Variants in GRM7 observed in about 807,000 individuals in gnomAD.
GRM7 encodes glutamate metabotropic receptor 7.
In GRM7, 35 loss-of-function variants were observed where a neutral mutation model predicts 84.5. That is an observed-to-expected ratio of 0.41 (90% CI 0.32 to 0.55). GRM7 has a LOEUF of 0.55. Among genes scored for constraint, GRM7 ranks in the 20% least tolerant of loss-of-function variants. GRM7 has a pLI of 0.19. For synonymous variants in GRM7, 487 were observed against 455.1 expected, an observed-to-expected ratio of 1.07 and a Z score of -0.89; for missense variants, 1,003 against 1,194.6, an observed-to-expected ratio of 0.84 and a Z score of 2.36.
intron 4 of GRM7, among the ~76,000 whole-genome samples, chr3:7,385,289 ATTTTTTTTTTTT>A (rs574917994): frequency 2.2e-4 from 15 of 67,288 alleles, no homozygotes; most frequent in African/African-American, 7.2e-4. Flanking sequence ...TTCTATATGG[ATTTTTTTTTTTT>A]TTTTTTTTTT....
chr3:7,196,742 A>C (rs1695891753), intron 2 of GRM7, among the ~76,000 whole-genome samples: 1 of 152,048 alleles, frequency 6.6e-6, no homozygotes, highest in African/African-American at 2.4e-5. Flanking sequence ...TACTTGTCAA[A>C]ATTATATGGC....
chr3:7,547,270 A>C (rs1365555486), intron 7 of GRM7, among the ~76,000 whole-genome samples: 1 of 133,832 alleles, frequency 7.5e-6, no homozygotes, highest in South Asian at 2.3e-4. Context: ...GCAGTGGCGT[A>C]ATCTCGCCTC....
rs187708903 is a variant in GRM7, at chr3:7,564,317, T to C, written c.1516-14105T>C. On this transcript the variant is annotated intron_variant, in intron 7 of 9. Transcript: ENST00000357716. ...TAAGTGTAGGAGGTAATTATTACTGTCTCCATTTCACAGATGAAAAAAATG... is the reference window on the plus strand; with the variant it reads ...TAAGTGTAGGAGGTAATTATTACTGCCTCCATTTCACAGATGAAAAAAATG... Among the ~76,000 whole-genome samples, 4 of 152,270 alleles carry C rather than the reference T, an allele frequency of 2.6e-5. No homozygotes were observed. The East Asian group carries it at 7.7e-4, about 29-fold the overall frequency.
At chr3:7,737,469 G>C (rs761945746) in intron 9 of GRM7, among the ~76,000 whole-genome samples, 1 of 152,056 alleles carries the variant, frequency 6.6e-6, no homozygotes, top group Non-Finnish European at 1.5e-5. Flanking sequence ...GCTTCATTGC[G>C]CAACTATTTT....
At chr3:7,294,056 C>G (rs1218658647) in intron 2 of GRM7, among the ~76,000 whole-genome samples, 1 of 152,210 alleles carries the variant, frequency 6.6e-6, no homozygotes, top group Non-Finnish European at 1.5e-5. Flanking sequence ...GCCAATCTCT[C>G]TCTTCTGTTG....
At chr3:6,912,162 C>T (rs1023788281) in intron 1 of GRM7, among the ~76,000 whole-genome samples, 2 of 151,916 alleles carry the variant, frequency 1.3e-5, no homozygotes, top group African/African-American at 2.4e-5. Context: ...TAATTGATAT[C>T]AAGTAAAGGA....
At chr3:7,736,256 TATC>T (rs1284303889) in intron 9 of GRM7, among the ~76,000 whole-genome samples, 1 of 152,206 alleles carries the variant, frequency 6.6e-6, no homozygotes, top group Non-Finnish European at 1.5e-5. Context: ...AAAATTTAGA[TATC>T]AATCTTTTGT....
intron 1 of GRM7, among the ~76,000 whole-genome samples, chr3:7,064,962 T>G (rs117717759): frequency 0.011 from 1,725 of 152,120 alleles, 71 homozygotes; most frequent in Admixed American, 0.083. Flanking sequence ...TTTTTTCATA[T>G]GTTCATTGGC....
chr3:7,146,006 G>A (rs756083579), intron 1 of GRM7, among the ~76,000 whole-genome samples: 22 of 152,112 alleles, frequency 1.4e-4, no homozygotes, highest in Admixed American at 1.3e-3. Flanking sequence ...ACAATCAATC[G>A]ATGTTAGATG....
intron 8 of GRM7, among the ~76,000 whole-genome samples, chr3:7,629,161 G>C (rs1697754638): frequency 1.3e-5 from 2 of 152,076 alleles, no homozygotes; most frequent in Admixed American, 1.3e-4. Context: ...TTTAATATTG[G>C]GTTTTCCTGA....
chr3:7,221,002 G>A (rs1181099966), intron 2 of GRM7, among the ~76,000 whole-genome samples: 1 of 152,022 alleles, frequency 6.6e-6, no homozygotes, highest in East Asian at 1.9e-4. Flanking sequence ...GTTGAGGTGG[G>A]AGAAGGATGG....
At chr3:7,455,324 C>T (rs1697960263) in intron 6 of GRM7, among the ~76,000 whole-genome samples, 1 of 152,064 alleles carries the variant, frequency 6.6e-6, no homozygotes, top group African/African-American at 2.4e-5. Context: ...TATTGGGTTA[C>T]AGTATGATGA....
Position 7,162,729 on chromosome 3 carries a change from A to ATTTTTTTTTTTT in GRM7, c.736+16098_736+16109dup, listed in dbSNP as rs71063284. ...CAATCTCCCATTACTCCCATTTTTC[A>ATTTTTTTTTTTT]TTTTTTTTTTTTTTTTTTTTTTTTT... On this transcript the variant is annotated intron_variant, in intron 2 of 9. Coordinates refer to ENST00000357716, the MANE Select transcript of GRM7 (RefSeq NM_000844.4). Among the ~76,000 whole-genome samples, 34 of 54,716 alleles carry ATTTTTTTTTTTT rather than the reference A, an allele frequency of 6.2e-4. 6 individuals are homozygous for ATTTTTTTTTTTT. The highest frequency in any genetic ancestry group is 1.2e-3 in the Non-Finnish European group (31 of 25,686). The allele number at this position is 54,716 out of a possible 152,430, so 35.9% of individuals were successfully genotyped here.
intron 2 of GRM7, among the ~76,000 whole-genome samples, chr3:7,230,750 G>T (rs961618371): frequency 6.6e-6 from 1 of 152,200 alleles, no homozygotes; most frequent in Non-Finnish European, 1.5e-5. Flanking sequence ...TTTAAAATCT[G>T]ATGTGTTAGG....
intron 2 of GRM7, among the ~76,000 whole-genome samples, chr3:7,277,189 G>GTC (rs1699103986): frequency 6.6e-6 from 1 of 151,930 alleles, no homozygotes; most frequent in Admixed American, 6.6e-5. Flanking sequence ...TTCTCACAAA[G>GTC]ACTTTATCCT....
chr3:7,424,298 A>G (rs1420147093), intron 5 of GRM7, among the ~76,000 whole-genome samples: 6 of 145,440 alleles, frequency 4.1e-5, no homozygotes, highest in Non-Finnish European at 4.6e-5. Context: ...GTTTAAAACC[A>G]AAAAAAAAAG....
chr3:7,323,886 G>T (rs1700881823), intron 4 of GRM7, among the ~76,000 whole-genome samples: 1 of 152,036 alleles, frequency 6.6e-6, no homozygotes, highest in Admixed American at 6.6e-5. Flanking sequence ...TCTACTAGTT[G>T]GTTTACTTTG....
intron 2 of GRM7, among the ~76,000 whole-genome samples, chr3:7,271,415 C>G (rs1440191788): frequency 2.0e-5 from 3 of 151,592 alleles, no homozygotes; most frequent in Non-Finnish European, 4.4e-5. Flanking sequence ...AAAAATTAGC[C>G]GGGCGTGGTG....
intron 2 of GRM7, among the ~76,000 whole-genome samples, chr3:7,200,099 G>T (rs1367207771): frequency 6.6e-6 from 1 of 152,164 alleles, no homozygotes; most frequent in Non-Finnish European, 1.5e-5. Flanking sequence ...TGGTGAGGGA[G>T]GTGGCAGAGA....
Sources: allele counts gnomAD v4.1 joint callset (sites outside exome capture counted in the v4.1 genomes callset), GRCh38; gene constraint gnomAD v4.1.1; transcripts MANE v1.5; gene names NCBI Gene and HGNC (gene_info 2026-07-23, HGNC 2026-07-21).